B3GALNT2: variants seen among roughly 807,000 people sequenced by gnomAD.
B3GALNT2 encodes beta-1,3-N-acetylgalactosaminyltransferase 2.
Under a neutral mutation model 61.1 loss-of-function variants are expected in B3GALNT2, and 53 were observed. The observed-to-expected ratio is 0.87, with a 90% CI of 0.70 to 1.09. The LOEUF (loss-of-function observed/expected upper bound fraction) is 1.09, where lower values mean the gene tolerates loss of function less well. Ranked by LOEUF, B3GALNT2 falls within the 50% of genes least tolerant of loss-of-function variation. The probability of loss-of-function intolerance (pLI) is 0.00; values close to 1 mark genes in which losing one functional copy is unlikely to be tolerated. For synonymous variants in B3GALNT2, 223 were observed against 237.4 expected (o/e 0.94, Z 0.56); for missense variants, 544 against 623.0 (o/e 0.87, Z 1.35).
chr1:235,445,842 C>CT (rs1682227009), downstream of B3GALNT2, among the ~76,000 whole-genome samples: 1 of 152,126 alleles, frequency 6.6e-6, no homozygotes, highest in African/African-American at 2.4e-5. Context: ...TAGTAAGAAT[C>CT]TAAGTACTTG....
chr1:235,498,843 C>CAAAAAAAAAAAA lies in B3GALNT2; in HGVS notation c.113-4027_113-4016dup, dbSNP rs57291873. ...TGGGTGACAGAGCTAGACTCCTTCT[C>CAAAAAAAAAAAA]AAAAAAAAAAAAAAAAAAAAAAAAA... On this transcript the variant is annotated intron_variant, in intron 1 of 11. Coordinates refer to ENST00000366600, the MANE Select transcript of B3GALNT2 (RefSeq NM_152490.5). Among the ~76,000 whole-genome samples, 27 of 64,118 alleles carry CAAAAAAAAAAAA rather than the reference C, an allele frequency of 4.2e-4. No individual in the cohort carries two copies. The East Asian group carries it at 4.5e-3, about 11-fold the overall frequency. The allele number at this position is 64,118 out of a possible 152,430, so 42.1% of individuals were successfully genotyped here. A position where few individuals can be genotyped will look rare whatever the true frequency, so the allele number is the denominator to read the frequency against.
chr1:235,459,447 ACCCC>A (rs1683315116), intron 7 of B3GALNT2, among the ~76,000 whole-genome samples: 1 of 151,924 alleles, frequency 6.6e-6, no homozygotes, highest in Non-Finnish European at 1.5e-5. Flanking sequence ...ATATAGGGAG[ACCCC>A]ATCTCTAAAT....
At chr1:235,455,339 G>A (rs1234283362) in intron 9 of B3GALNT2, among the ~76,000 whole-genome samples, 1 of 151,994 alleles carries the variant, frequency 6.6e-6, no homozygotes, top group Non-Finnish European at 1.5e-5. Flanking sequence ...TGAACTCTTG[G>A]CCTCAAAGGA....
intron 9 of B3GALNT2, among the ~76,000 whole-genome samples, chr1:235,454,935 A>T (rs1683094487): frequency 6.6e-6 from 1 of 152,216 alleles, no homozygotes; most frequent in African/African-American, 2.4e-5. Context: ...ATTCCTGAGG[A>T]AGCACAGAAA....
At chr1:235,488,615 C>G (rs868618639) in intron 3 of B3GALNT2, among the ~76,000 whole-genome samples, 1 of 90,320 alleles carries the variant, frequency 1.1e-5, no homozygotes, top group Middle Eastern at 6.7e-3. Context: ...ACCTAGGAGG[C>G]GGAGGTTGCA....
chr1:235,458,568 A>C, intron 8 of B3GALNT2, 35 bp downstream of exon 8: 1 of 1,544,684 alleles, frequency 6.5e-7, no homozygotes, highest in South Asian at 1.3e-5. Flanking sequence ...TAACAATAAA[A>C]CAAGTTCTAG....
intron 1 of B3GALNT2, among the ~76,000 whole-genome samples, chr1:235,503,794 G>A (rs571443643): frequency 6.6e-6 from 1 of 152,310 alleles, no homozygotes; most frequent in East Asian, 1.9e-4. Context: ...AGAAAGCGCT[G>A]GCGGCTGAAG....
chr1:235,447,638 G>C lies in B3GALNT2; in HGVS notation c.*2568C>G, dbSNP rs769131445. Among the ~76,000 whole-genome samples, 1 of 152,206 alleles carries C rather than the reference G, an allele frequency of 6.6e-6. No individual in the cohort carries two copies. Among genetic ancestry groups the C allele is most frequent in the African/African-American group, 2.4e-5 (1 of 41,454 alleles). On this transcript the variant is annotated 3_prime_UTR_variant, in exon 12 of 12. Transcript: ENST00000366600. ...GTTGAGAGATGTCCTCAGGATACCT[G>C]AGTCCCATTCCAGTGTTCGTTCAGT...
At chr1:235,476,652 C>T (rs182397806) in intron 5 of B3GALNT2, among the ~76,000 whole-genome samples, 41 of 152,116 alleles carry the variant, frequency 2.7e-4, no homozygotes, top group African/African-American at 6.7e-4. Flanking sequence ...GAGTTCGAGA[C>T]CAGCCTGGCC....
At chr1:235,465,825 G>C in intron 6 of B3GALNT2, 111 bp from the exon 7 acceptor site, 1 of 1,252,894 alleles carries the variant, frequency 8.0e-7, no homozygotes, top group Non-Finnish European at 1.1e-6. Context: ...GCAGATAAAT[G>C]CATGTAAGAT....
chr1:235,489,587 A>G (rs1485908193), intron 2 of B3GALNT2, among the ~76,000 whole-genome samples: 1 of 152,210 alleles, frequency 6.6e-6, no homozygotes, highest in Non-Finnish European at 1.5e-5. Flanking sequence ...ATACCTAAAA[A>G]CATATCTATA....
intron 7 of B3GALNT2, among the ~76,000 whole-genome samples, chr1:235,461,500 AC>A (rs1683426923): frequency 8.2e-5 from 10 of 121,758 alleles, no homozygotes; most frequent in African/African-American, 2.8e-4. Context: ...GGGGTAGATG[AC>A]CTCCTGTTTT....
At chr1:235,467,162 T>C (rs1333399820) in intron 6 of B3GALNT2, among the ~76,000 whole-genome samples, 2 of 152,104 alleles carry the variant, frequency 1.3e-5, no homozygotes, top group East Asian at 3.9e-4. Context: ...TCCTAGCTAA[T>C]ACGGTGAAAC....
At chr1:235,463,832 G>C (rs1319300304) in intron 7 of B3GALNT2, 1 of 152,224 alleles carries the variant, frequency 6.6e-6, no homozygotes, top group East Asian at 1.9e-4. Flanking sequence ...CTCCCAAAGT[G>C]CTGGGATTAC....
At chr1:235,474,950 CAT>C (rs1159752267) in intron 5 of B3GALNT2, among the ~76,000 whole-genome samples, 1,091 of 39,262 alleles carry the variant, frequency 0.028, 20 homozygotes, top group Non-Finnish European at 0.033. Context: ...AAATTAGAGA[CAT>C]ATATATATAT....
At chr1:235,455,423 A>G in intron 9 of B3GALNT2, 136 bp downstream of exon 9, 2 of 959,442 alleles carry the variant, frequency 2.1e-6, no homozygotes, top group South Asian at 1.8e-5. Context: ...GAGTAATGAA[A>G]TATATATAAA....
the B3GALNT2 span, chr1:235,442,007 A>ATTTT: frequency 1.2e-6 from 1 of 830,654 alleles, no homozygotes; most frequent in Non-Finnish European, 1.9e-6. Flanking sequence ...TTTAAATGAA[A>ATTTT]ATTTTTTTTT....
chr1:235,441,891 C>T, the B3GALNT2 span: 2 of 1,612,854 alleles, frequency 1.2e-6, no homozygotes, highest in Non-Finnish European at 8.5e-7. Context: ...AAGTAAGAAT[C>T]TCAGATTCAA....
At chr1:235,443,277 C>T (rs923872691), downstream of B3GALNT2, among the ~76,000 whole-genome samples, 1 of 152,118 alleles carries the variant, frequency 6.6e-6, no homozygotes, top group Non-Finnish European at 1.5e-5. Context: ...ACTCAGCTCA[C>T]GGCAGCCTCT....
Sources: gnomAD v4.1 joint callset for allele counts (sites outside exome capture counted in the v4.1 genomes callset) on GRCh38, gnomAD v4.1.1 for gene constraint, MANE v1.5 for transcripts, NCBI Gene and HGNC (gene_info 2026-07-23, HGNC 2026-07-21) for gene names.